The following SYNDIG1L variants were observed in gnomAD, a reference collection of about 807,000 sequenced individuals.
The protein encoded by SYNDIG1L is synapse differentiation-inducing gene protein 1-like.
A neutral mutation model predicts 20.1 loss-of-function variants in SYNDIG1L; 13 were observed. That is an observed-to-expected ratio of 0.65 (90% confidence interval 0.42 to 1.03). SYNDIG1L has a LOEUF of 1.03. Among genes scored for constraint, SYNDIG1L ranks in the 50% least tolerant of loss-of-function variants. The pLI is 0.00. For missense variants in SYNDIG1L, 294 were observed against 305.1 expected (o/e 0.96, Z 0.27); for synonymous variants, 128 against 129.3 (o/e 0.99, Z 0.07).
At chr14:74,407,748 C>T in intron 3 of SYNDIG1L, 55 bp from the exon 4 acceptor site, 1 of 1,574,608 alleles carries the variant, frequency 6.4e-7, no homozygotes, top group Non-Finnish European at 8.6e-7. Context: ...AGCCAAACAG[C>T]CCAGCCTGCC....
chr14:74,439,736 G>A, the SYNDIG1L span, among the ~76,000 whole-genome samples: 140 of 151,812 alleles, frequency 9.2e-4, no homozygotes, highest in African/African-American at 3.2e-3. Flanking sequence ...AAAATTAGCC[G>A]GGCGTGGTGG....
At chr14:74,419,153 C>T (rs1474279685) in intron 1 of SYNDIG1L, among the ~76,000 whole-genome samples, 3 of 152,224 alleles carry the variant, frequency 2.0e-5, no homozygotes, top group Non-Finnish European at 2.9e-5. Flanking sequence ...AGGTCACTTC[C>T]TTAGAGAGGT....
chr14:74,458,018 T>C, the SYNDIG1L span, among the ~76,000 whole-genome samples: 1 of 152,066 alleles, frequency 6.6e-6, no homozygotes, highest in Non-Finnish European at 1.5e-5. Context: ...TAGGTTGCTC[T>C]CGAACTCCTG....
chr14:74,433,149 A>G, the SYNDIG1L span, among the ~76,000 whole-genome samples: 1 of 152,216 alleles, frequency 6.6e-6, no homozygotes, highest in African/African-American at 2.4e-5. Flanking sequence ...TTGCCTGAGG[A>G]GATGCTGTGG....
the SYNDIG1L span, among the ~76,000 whole-genome samples, chr14:74,432,541 T>G: frequency 1.3e-5 from 2 of 152,056 alleles, no homozygotes; most frequent in South Asian, 2.1e-4. Context: ...GGAGAGCTAT[T>G]GAGAGAGAGG....
At chr14:74,467,701 G>C in the SYNDIG1L span, among the ~76,000 whole-genome samples, 2 of 152,242 alleles carry the variant, frequency 1.3e-5, no homozygotes, top group Admixed American at 1.3e-4. Context: ...GGAGGGATTG[G>C]GGGGAAGCCC....
the SYNDIG1L span, among the ~76,000 whole-genome samples, chr14:74,439,169 TC>T: frequency 6.6e-6 from 1 of 151,472 alleles, no homozygotes; most frequent in African/African-American, 2.4e-5. Context: ...TGGTGTCTTT[TC>T]CCAGACTCCT....
At chr14:74,429,772 T>A (rs772067355), upstream of SYNDIG1L, among the ~76,000 whole-genome samples, 11 of 152,222 alleles carry the variant, frequency 7.2e-5, no homozygotes, top group Non-Finnish European at 1.5e-4. Context: ...AGGGTGCATA[T>A]GTGGCTGTAA....
intron 1 of SYNDIG1L, among the ~76,000 whole-genome samples, chr14:74,410,402 G>C (rs1364442590): frequency 6.6e-6 from 1 of 152,196 alleles, no homozygotes; most frequent in Non-Finnish European, 1.5e-5. Context: ...GTGTGGTGCA[G>C]GGCACAGATG....
chr14:74,430,350 G>A (rs1374129146), upstream of SYNDIG1L, among the ~76,000 whole-genome samples: 1 of 152,204 alleles, frequency 6.6e-6, no homozygotes, highest in Admixed American at 6.5e-5. Context: ...GGGGGTGCCA[G>A]GGTGGGGCTT....
chr14:74,476,096 G>A, the SYNDIG1L span: 1 of 263,134 alleles, frequency 3.8e-6, no homozygotes, highest in Non-Finnish European at 7.2e-6. Flanking sequence ...TACAAGCATT[G>A]TGTGTGTACA....
At chr14:74,463,280 A>T in the SYNDIG1L span, among the ~76,000 whole-genome samples, 1 of 152,146 alleles carries the variant, frequency 6.6e-6, no homozygotes, top group Non-Finnish European at 1.5e-5. Flanking sequence ...AGGCTCCTGG[A>T]GTTCCTTTGC....
At chr14:74,464,726 G>A in the SYNDIG1L span, among the ~76,000 whole-genome samples, 2 of 151,962 alleles carry the variant, frequency 1.3e-5, no homozygotes, top group African/African-American at 4.8e-5. Flanking sequence ...CCTGTCCCTC[G>A]GTTTCCTCCT....
chr14:74,439,531 A>ACTC, the SYNDIG1L span, among the ~76,000 whole-genome samples: 1 of 152,134 alleles, frequency 6.6e-6, no homozygotes, highest in Non-Finnish European at 1.5e-5. Flanking sequence ...TTTTTAGTTA[A>ACTC]CTATGCTGTG....
At chr14:74,432,424 A>G in the SYNDIG1L span, among the ~76,000 whole-genome samples, 1 of 152,170 alleles carries the variant, frequency 6.6e-6, no homozygotes, top group East Asian at 1.9e-4. Flanking sequence ...CTGTTATTCC[A>G]GCACAAACTG....
the SYNDIG1L span, among the ~76,000 whole-genome samples, chr14:74,454,923 T>C: frequency 1.3e-5 from 2 of 152,254 alleles, no homozygotes; most frequent in South Asian, 2.1e-4. Context: ...GGTATTGCCA[T>C]GAAGGTAGTT....
intron 1 of SYNDIG1L, among the ~76,000 whole-genome samples, chr14:74,415,233 C>T (rs964438471): frequency 2.0e-5 from 3 of 152,194 alleles, no homozygotes. Flanking sequence ...CACCCCTTGT[C>T]GGATGAAGGC....
chr14:74,422,256 G>A (rs1449065493), intron 1 of SYNDIG1L, among the ~76,000 whole-genome samples: 1 of 152,100 alleles, frequency 6.6e-6, no homozygotes, highest in Non-Finnish European at 1.5e-5. Flanking sequence ...GGAAGGAGAA[G>A]AGAGAATAAG....
At chr14:74,408,312 AC>A in intron 2 of SYNDIG1L, among the ~76,000 whole-genome samples, 1 of 152,268 alleles carries the variant, frequency 6.6e-6, no homozygotes, top group Middle Eastern at 3.4e-3. Flanking sequence ...ACCTGTACTC[AC>A]AGCACTTTGG....
Sources: gnomAD v4.1 joint callset for allele counts (sites outside exome capture counted in the v4.1 genomes callset) on GRCh38, gnomAD v4.1.1 for gene constraint, MANE v1.5 for transcripts, NCBI Gene and HGNC (gene_info 2026-07-23, HGNC 2026-07-21) for gene names.